LINGO2: variants seen among roughly 807,000 people sequenced by gnomAD.
LINGO2 encodes the protein leucine-rich repeat and immunoglobulin-like domain-containing nogo receptor-interacting protein 2.
In LINGO2, 14 loss-of-function variants were observed where a neutral mutation model predicts 30.6. The observed-to-expected ratio is 0.46, with a 90% CI of 0.30 to 0.72. LINGO2 has a LOEUF of 0.72. Among genes scored for constraint, LINGO2 ranks in the 30% least tolerant of loss-of-function variants. The probability of loss-of-function intolerance (pLI) is 0.07; values close to 1 mark genes in which losing one functional copy is unlikely to be tolerated. For synonymous variants in LINGO2, 317 were observed against 288.5 expected (o/e 1.10, Z -1.00); for missense variants, 729 against 751.7 (o/e 0.97, Z 0.35).
At chr9:28,118,916 C>T (rs921023519) in intron 4 of LINGO2, among the ~76,000 whole-genome samples, 3 of 152,072 alleles carry the variant, frequency 2.0e-5, no homozygotes, top group African/African-American at 7.2e-5. Flanking sequence ...CTTCTGACAT[C>T]TTATATAGAA....
chr9:28,931,554 T>C, the LINGO2 span, among the ~76,000 whole-genome samples: 1 of 152,182 alleles, frequency 6.6e-6, no homozygotes, highest in South Asian at 2.1e-4. Flanking sequence ...TCCACATTTG[T>C]CCTTAACTAC....
At chr9:28,611,978 G>T (rs1825939272) in intron 1 of LINGO2, among the ~76,000 whole-genome samples, 1 of 151,942 alleles carries the variant, frequency 6.6e-6, no homozygotes, top group African/African-American at 2.4e-5. Context: ...CAGCCACCAT[G>T]CCTGGCTAAT....
the LINGO2 span, among the ~76,000 whole-genome samples, chr9:29,084,886 G>A: frequency 1.3e-5 from 2 of 151,980 alleles, no homozygotes; most frequent in Non-Finnish European, 2.9e-5. Context: ...TCCATAGGAA[G>A]CACTCAATAT....
chr9:28,635,556 G>A (rs1205343433), intron 1 of LINGO2, among the ~76,000 whole-genome samples: 1 of 151,914 alleles, frequency 6.6e-6, no homozygotes, highest in Admixed American at 6.6e-5. Flanking sequence ...AGAGATGGGG[G>A]AATCAGCACA....
At chr9:28,239,670 T>A (rs996900109) in intron 4 of LINGO2, among the ~76,000 whole-genome samples, 2 of 152,166 alleles carry the variant, frequency 1.3e-5, no homozygotes, top group Non-Finnish European at 2.9e-5. Flanking sequence ...AACCCATAGC[T>A]AGTATTATAC....
the LINGO2 span, among the ~76,000 whole-genome samples, chr9:28,899,196 C>A: frequency 6.6e-6 from 1 of 152,176 alleles, no homozygotes; most frequent in Non-Finnish European, 1.5e-5. Context: ...CGTCCCCAAA[C>A]CCTCGGCAAC....
chr9:29,089,612 T>A, the LINGO2 span, among the ~76,000 whole-genome samples: 35,256 of 151,958 alleles, frequency 0.23, 4,591 homozygotes, highest in African/African-American at 0.35. Flanking sequence ...TTGAGGTCTT[T>A]GGCTTAATGA....
chr9:28,172,147 T>C (rs1181680859), intron 4 of LINGO2, among the ~76,000 whole-genome samples: 1 of 150,388 alleles, frequency 6.6e-6, no homozygotes, highest in Non-Finnish European at 1.5e-5. Flanking sequence ...ATCCCAGCAC[T>C]TTGGGAGGCC....
rs116083083 is a variant in LINGO2 at position 28,075,888 on chromosome 9, A to C, written c.-86-63483T>G. ...TTTTTGTGTTTTCTAGTAGTTTATAATTTTAAGGTAGAAAAATTTGTCCAT... is the reference window on the plus strand; with the variant it reads ...TTTTTGTGTTTTCTAGTAGTTTATACTTTTAAGGTAGAAAAATTTGTCCAT... On this transcript the variant is annotated intron_variant, in intron 4 of 5. Transcript: ENST00000379992. Among the ~76,000 whole-genome samples the C allele has an allele frequency of 6.4e-4, 97 of 152,108 alleles. 1 individual carries two copies. Among genetic ancestry groups the C allele is most frequent in the African/African-American group, 2.3e-3 (94 of 41,536 alleles).
the LINGO2 span, among the ~76,000 whole-genome samples, chr9:29,173,431 T>C: frequency 6.6e-6 from 1 of 152,144 alleles, no homozygotes; most frequent in Non-Finnish European, 1.5e-5. Flanking sequence ...TTTACCGATT[T>C]ACACTGCAGT....
chr9:29,041,724 T>C, the LINGO2 span, among the ~76,000 whole-genome samples: 2 of 151,998 alleles, frequency 1.3e-5, no homozygotes, highest in African/African-American at 4.8e-5. Flanking sequence ...TAGAAGAACA[T>C]CTTCATAATC....
intron 4 of LINGO2, among the ~76,000 whole-genome samples, chr9:28,120,690 G>GA (rs1827069866): frequency 1.3e-5 from 2 of 152,130 alleles, no homozygotes; most frequent in South Asian, 4.1e-4. Flanking sequence ...ATGTAAAATG[G>GA]AAAAAAATTA....
At chr9:28,442,548 C>T (rs1211682976) in intron 2 of LINGO2, among the ~76,000 whole-genome samples, 1 of 152,078 alleles carries the variant, frequency 6.6e-6, no homozygotes. Context: ...TTCTTCAGTA[C>T]TTACCAACTA....
chr9:27,971,978 T>G (rs1426719711), intron 5 of LINGO2, among the ~76,000 whole-genome samples: 1 of 152,204 alleles, frequency 6.6e-6, no homozygotes, highest in Non-Finnish European at 1.5e-5. Flanking sequence ...TTTACTATCC[T>G]TATAAGATTG....
At chr9:29,016,581 T>C in the LINGO2 span, among the ~76,000 whole-genome samples, 2 of 152,188 alleles carry the variant, frequency 1.3e-5, no homozygotes, top group Non-Finnish European at 2.9e-5. Flanking sequence ...AATAAACAAG[T>C]ATTTTACCAA....
the LINGO2 span, among the ~76,000 whole-genome samples, chr9:28,780,017 T>G: frequency 2.6e-5 from 4 of 152,308 alleles, no homozygotes; most frequent in East Asian, 7.7e-4. Flanking sequence ...AATCAGTTAA[T>G]GTCAAAACTT....
intron 4 of LINGO2, among the ~76,000 whole-genome samples, chr9:28,132,590 G>T (rs1485808726): frequency 6.6e-6 from 1 of 152,130 alleles, no homozygotes; most frequent in Non-Finnish European, 1.5e-5. Context: ...AAATTTTGAG[G>T]TAGAACGTTA....
At chr9:29,063,691 G>A in the LINGO2 span, among the ~76,000 whole-genome samples, 8 of 152,048 alleles carry the variant, frequency 5.3e-5, no homozygotes, top group Admixed American at 1.3e-4. Context: ...TGAGTCAACT[G>A]CACCCGGCCC....
chr9:28,238,655 A>G (rs1356087162), intron 4 of LINGO2, among the ~76,000 whole-genome samples: 1 of 152,124 alleles, frequency 6.6e-6, no homozygotes, highest in Admixed American at 6.5e-5. Flanking sequence ...CAGTACTAAG[A>G]GGAAAATCTG....
Sources: gnomAD v4.1 joint callset for allele counts (sites outside exome capture counted in the v4.1 genomes callset) on GRCh38, gnomAD v4.1.1 for gene constraint, MANE v1.5 for transcripts, NCBI Gene and HGNC (gene_info 2026-07-23, HGNC 2026-07-21) for gene names.